Variants in C5 observed in about 807,000 individuals in gnomAD.
The protein encoded by C5 is C3 and PZP-like alpha-2-macroglobulin domain-containing protein 4.
C5 carries 140 observed loss-of-function variants against 218.8 expected under a neutral mutation model. The observed-to-expected ratio is 0.64, with a 90% CI of 0.56 to 0.74. C5 has a LOEUF of 0.74. Ranked by LOEUF, C5 falls within the 30% of genes least tolerant of loss-of-function variation. C5 has a pLI of 0.00. For synonymous variants in C5, 614 were observed against 682.3 expected, an observed-to-expected ratio of 0.90 and a Z score of 1.56; for missense variants, 1,700 against 1,969.6, an observed-to-expected ratio of 0.86 and a Z score of 2.59.
chr9:120,973,774 T>C (rs2131686323), intron 30 of C5, among the ~76,000 whole-genome samples: 1 of 151,472 alleles, frequency 6.6e-6, no homozygotes, highest in East Asian at 1.9e-4. Flanking sequence ...AGGTCAGGAG[T>C]TTGAGACCAG....
At chr9:120,975,127 A>G (rs1005295383) in intron 29 of C5, among the ~76,000 whole-genome samples, 196 bp from the exon 30 acceptor site, 1 of 152,200 alleles carries the variant, frequency 6.6e-6, no homozygotes, top group African/African-American at 2.4e-5. Context: ...TGCTGTTAGC[A>G]GGGACAGGAA....
At position 121,043,283 on chromosome 9, in the gene C5, A is replaced by G. The variant is rs1011169664; in HGVS notation, c.259-117T>C. ...AATCAGTATGTATATGTAATCATTT[A>G]AAAAGTGATACAGGAGCAAGAAGAG... is the stretch of plus-strand genomic sequence containing the variant. On this transcript the variant is annotated intron_variant, in intron 2 of 40. Transcript: ENST00000223642. The G allele has an allele frequency of 1.1e-5, 9 of 856,562 alleles. No homozygotes were observed. In the Admixed American group the frequency reaches 1.2e-4, roughly 11 times the overall value. 53.1% of individuals were successfully genotyped at this position (856,562 alleles called of 1,614,324 possible).
chr9:121,021,793 T>C, intron 10 of C5, 99 bp from the exon 11 acceptor site: 1 of 1,129,186 alleles, frequency 8.9e-7, no homozygotes, highest in Non-Finnish European at 1.3e-6. Context: ...AAAGTATAAA[T>C]TATTTATGTA....
chr9:120,961,355 TA>T, intron 37 of C5, 126 bp downstream of exon 37: 1 of 705,486 alleles, frequency 1.4e-6, no homozygotes. Flanking sequence ...AGCTTTCAAT[TA>T]GCTGAGATAG....
chr9:120,981,682 C>A (rs374280055), intron 27 of C5, among the ~76,000 whole-genome samples, 162 bp downstream of exon 27: 7 of 152,148 alleles, frequency 4.6e-5, no homozygotes, highest in African/African-American at 7.2e-5. Context: ...TAATATCTAT[C>A]ATTGTTCTGA....
intron 2 of C5, among the ~76,000 whole-genome samples, chr9:121,043,528 C>A (rs1048059192): frequency 6.6e-6 from 1 of 151,806 alleles, no homozygotes; most frequent in Non-Finnish European, 1.5e-5. Context: ...ATTCTCTGGA[C>A]CCTTAGCTTT....
chr9:121,016,441 A>C, intron 14 of C5, 58 bp from the exon 15 acceptor site: 2 of 1,600,430 alleles, frequency 1.2e-6, no homozygotes, highest in Non-Finnish European at 1.7e-6. Context: ...TCCTCTAAAG[A>C]TCTAAAAGGT....
chr9:120,995,374 A>T (rs2047108447), intron 22 of C5, among the ~76,000 whole-genome samples: 1 of 152,170 alleles, frequency 6.6e-6, no homozygotes, highest in African/African-American at 2.4e-5. Flanking sequence ...TGAAAAGAGA[A>T]TGGTTAACTG....
chr9:121,002,222 A>ACGTATATATG (rs372983283), intron 20 of C5, among the ~76,000 whole-genome samples: 1,015 of 85,314 alleles, frequency 0.012, 16 homozygotes, highest in African/African-American at 0.028. Context: ...ATACGTATAT[A>ACGTATATATG]TATATATGTA....
rs774917703 is a variant in C5, at chr9:121,015,187, A to C, written c.2059+12T>G. 6.4e-7 allele frequency: 1 copy of C among 1,566,736 alleles called. No individual in the cohort carries two copies. Among genetic ancestry groups the C allele is most frequent in the Non-Finnish European group, 8.8e-7 (1 of 1,138,452 alleles). Reference sequence around the variant, plus strand: ...CCATAACCTTTTTACAATCACATGAATCTTACAGTACCTATTTCTTCTATC... The same window carrying C: ...CCATAACCTTTTTACAATCACATGACTCTTACAGTACCTATTTCTTCTATC... On this transcript the variant is annotated intron_variant, in intron 16 of 40. Transcript: ENST00000223642.
the C5 span, chr9:121,074,821 C>T: frequency 2.2e-6 from 1 of 455,948 alleles, no homozygotes; most frequent in African/African-American, 2.0e-5. Context: ...GCCTCGCGCC[C>T]AAGACTCCCC....
chr9:121,066,806 C>T, the C5 span, among the ~76,000 whole-genome samples: 5 of 149,454 alleles, frequency 3.3e-5, no homozygotes, highest in African/African-American at 7.4e-5. Context: ...GCCCAGATTA[C>T]GCTACTGCAC....
intron 33 of C5, among the ~76,000 whole-genome samples, chr9:120,967,639 C>T (rs1243895265): frequency 6.6e-6 from 1 of 152,152 alleles, no homozygotes; most frequent in African/African-American, 2.4e-5. Flanking sequence ...AGTCCTGGCT[C>T]TACCACTCTC....
intron 14 of C5, among the ~76,000 whole-genome samples, chr9:121,016,972 A>C (rs543124850): frequency 6.6e-6 from 1 of 152,182 alleles, no homozygotes; most frequent in Admixed American, 6.5e-5. Context: ...AATGATTTTG[A>C]GATTCTTCTG....
At chr9:120,989,268 G>T in intron 24 of C5, 147 bp from the exon 25 acceptor site, 1 of 735,004 alleles carries the variant, frequency 1.4e-6, no homozygotes. Flanking sequence ...CTTCTCAAAG[G>T]AAGTATATGA....
At chr9:120,971,056 C>T (rs1445514781) in intron 31 of C5, among the ~76,000 whole-genome samples, 2 of 151,596 alleles carry the variant, frequency 1.3e-5, no homozygotes, top group Admixed American at 1.3e-4. Flanking sequence ...CCTGTAATCC[C>T]ACCTACTTGG....
chr9:121,030,329 A>G, intron 7 of C5, 68 bp downstream of exon 7: 1 of 829,184 alleles, frequency 1.2e-6, no homozygotes, highest in South Asian at 1.6e-5. Flanking sequence ...TTGGGCAACT[A>G]TCATCAACCA....
At chr9:120,959,486 C>T (rs1385150705) in intron 38 of C5, among the ~76,000 whole-genome samples, 3 of 152,016 alleles carry the variant, frequency 2.0e-5, no homozygotes, top group South Asian at 2.1e-4. Context: ...GTCTCAAACT[C>T]CTGACCTCAG....
At chr9:121,034,668 C>A in intron 5 of C5, 135 bp downstream of exon 5, 1 of 614,938 alleles carries the variant, frequency 1.6e-6, no homozygotes, top group Non-Finnish European at 2.9e-6. Flanking sequence ...TAAGTTCTTG[C>A]TAGAACTTCA....
Sources: gnomAD v4.1 joint callset for allele counts (sites outside exome capture counted in the v4.1 genomes callset) on GRCh38, gnomAD v4.1.1 for gene constraint, MANE v1.5 for transcripts, NCBI Gene and HGNC (gene_info 2026-07-23, HGNC 2026-07-21) for gene names.